The following GNA12 variants were observed in gnomAD, a reference collection of about 807,000 sequenced individuals.
GNA12 encodes the protein G protein subunit alpha 12, also known as guanine nucleotide-binding protein subunit alpha-12.
GNA12 carries 9 observed loss-of-function variants against 26.0 expected under a neutral mutation model. The ratio of observed to expected loss-of-function variants is 0.35; its 90% CI spans 0.21 to 0.60. The LOEUF (loss-of-function observed/expected upper bound fraction) is 0.60, where lower values mean the gene tolerates loss of function less well. GNA12 is among the 20% of genes least tolerant of loss of function. GNA12 has a pLI of 0.78. For missense variants in GNA12, 405 were observed against 525.8 expected (o/e 0.77, Z 2.25); for synonymous variants, 264 against 219.6 (o/e 1.20, Z -1.79).
intron 1 of GNA12, among the ~76,000 whole-genome samples, chr7:2,795,667 C>G (rs1792648324): frequency 6.7e-6 from 1 of 149,778 alleles, no homozygotes; most frequent in Non-Finnish European, 1.5e-5. Flanking sequence ...AAAAAGAAAA[C>G]AGATGTACAT....
chr7:2,739,821 G>A (rs1326881189), intron 2 of GNA12, among the ~76,000 whole-genome samples: 7 of 152,126 alleles, frequency 4.6e-5, no homozygotes, highest in Non-Finnish European at 7.4e-5. Context: ...ACAGGCGTGC[G>A]CCACCAAACC....
At chr7:2,751,330 G>A (rs1791025361) in intron 2 of GNA12, among the ~76,000 whole-genome samples, 1 of 151,102 alleles carries the variant, frequency 6.6e-6, no homozygotes, top group Non-Finnish European at 1.5e-5. Flanking sequence ...GGCCGAGGCT[G>A]CAGTGAGCCA....
intron 1 of GNA12, among the ~76,000 whole-genome samples, chr7:2,810,837 G>A (rs1447092057): frequency 6.6e-6 from 1 of 152,148 alleles, no homozygotes. Context: ...GGCAAAGGTT[G>A]CCGTGAGCCA....
At chr7:2,769,105 T>C (rs759678286) in intron 2 of GNA12, among the ~76,000 whole-genome samples, 9 of 152,114 alleles carry the variant, frequency 5.9e-5, no homozygotes, top group South Asian at 2.1e-4. Flanking sequence ...GGTTTCACCA[T>C]GGTAGCCAGG....
intron 1 of GNA12, among the ~76,000 whole-genome samples, chr7:2,837,725 C>A (rs1778877679): frequency 6.6e-6 from 1 of 152,064 alleles, no homozygotes; most frequent in Non-Finnish European, 1.5e-5. Context: ...CTAAGAGAAT[C>A]TGTTGCAAGC....
At chr7:2,737,274 G>GTTTTGTTTTTTT (rs1790242698) in intron 2 of GNA12, among the ~76,000 whole-genome samples, 1 of 35,032 alleles carries the variant, frequency 2.9e-5, no homozygotes, top group East Asian at 8.3e-4. Flanking sequence ...GTTTTGTTTT[G>GTTTTGTTTTTTT]TTTTTTTTTT....
At chr7:2,801,772 A>G (rs1792815499) in intron 1 of GNA12, among the ~76,000 whole-genome samples, 1 of 152,090 alleles carries the variant, frequency 6.6e-6, no homozygotes, top group East Asian at 1.9e-4. Flanking sequence ...CTCTCTGCCA[A>G]CTTTGTTCTG....
intron 2 of GNA12, among the ~76,000 whole-genome samples, chr7:2,789,136 T>TACATGAG (rs1562429275): frequency 5.7e-5 from 6 of 105,326 alleles, no homozygotes; most frequent in African/African-American, 7.1e-5. Context: ...AGGCATCTTT[T>TACATGAG]TTTTTTTTTT....
chr7:2,792,840 T>A (rs940890867), intron 2 of GNA12, among the ~76,000 whole-genome samples: 4 of 152,148 alleles, frequency 2.6e-5, no homozygotes, highest in Admixed American at 2.6e-4. Flanking sequence ...GACATTAACA[T>A]TTACAGGCAA....
Position 2,793,896 on chromosome 7 carries a change from A to AAAAG in GNA12, c.525+1031_525+1032insCTTT, listed in dbSNP as rs1554260953. ...GACTCCATCTCAAAAAAAAAAAAAA[A>AAAAG]AAGGAAAAAAAAAGACGTTTCCAAT... On this transcript the variant is annotated intron_variant, in intron 2 of 3. Coordinates refer to ENST00000275364, the MANE Select transcript of GNA12 (RefSeq NM_007353.3). 8.5e-3 allele frequency among the ~76,000 whole-genome samples: 1,247 copies of AAAAG among 146,708 alleles called. 9 individuals are homozygous for AAAAG. The highest frequency in any genetic ancestry group is 0.067 in the Middle Eastern group (19 of 284).
chr7:2,838,133 A>G (rs1300385847), intron 1 of GNA12, among the ~76,000 whole-genome samples: 1 of 152,002 alleles, frequency 6.6e-6, no homozygotes, highest in Non-Finnish European at 1.5e-5. Context: ...AATACAAAGC[A>G]TTATACTTAA....
At chr7:2,828,544 G>A (rs1052140089) in intron 1 of GNA12, among the ~76,000 whole-genome samples, 6 of 152,130 alleles carry the variant, frequency 3.9e-5, no homozygotes, top group Non-Finnish European at 7.4e-5. Flanking sequence ...TACCAGGGAC[G>A]CAGCTGGGGA....
chr7:2,735,762 G>C (rs906535364), intron 2 of GNA12, among the ~76,000 whole-genome samples: 3 of 152,208 alleles, frequency 2.0e-5, no homozygotes, highest in Non-Finnish European at 4.4e-5. Context: ...TGGCGGAGGA[G>C]AGGAGTCAAA....
chr7:2,814,448 G>T, intron 1 of GNA12: 1 of 988,586 alleles, frequency 1.0e-6, no homozygotes, highest in Non-Finnish European at 1.6e-6. Context: ...AGAGACATCA[G>T]AATAAAGCCC....
chr7:2,729,614 G>A lies in GNA12; in HGVS notation c.*1567C>T, dbSNP rs796379701. 3.2e-4 allele frequency: 49 copies of A among 152,430 alleles called. No individual in the cohort carries two copies. Among genetic ancestry groups the A allele is most frequent in the Admixed American group, 8.5e-4 (13 of 15,306 alleles). 9.4% of individuals were successfully genotyped at this position (152,430 alleles called of 1,614,324 possible). A position where few individuals can be genotyped will look rare whatever the true frequency, so the allele number is the denominator to read the frequency against. On this transcript the variant is annotated 3_prime_UTR_variant, in exon 4 of 4. Coordinates refer to ENST00000275364, the MANE Select transcript of GNA12 (RefSeq NM_007353.3). ...TGCCCCAAGGGCTTGCGTTTACCGG[G>A]TTTGCGGAAAACAAGCCAAGGGTGA...
intron 1 of GNA12, among the ~76,000 whole-genome samples, chr7:2,841,417 C>T (rs1562453743): frequency 6.6e-6 from 1 of 152,116 alleles, no homozygotes; most frequent in African/African-American, 2.4e-5. Context: ...GAGGTCTGGG[C>T]AAGCAGCAAC....
At chr7:2,752,164 A>C (rs1791072425) in intron 2 of GNA12, among the ~76,000 whole-genome samples, 1 of 152,228 alleles carries the variant, frequency 6.6e-6, no homozygotes, top group South Asian at 2.1e-4. Flanking sequence ...TATTTTAGCA[A>C]AATAAGGAAG....
chr7:2,732,438 T>C (rs1184169582), intron 3 of GNA12, among the ~76,000 whole-genome samples: 1 of 152,136 alleles, frequency 6.6e-6, no homozygotes, highest in East Asian at 1.9e-4. Flanking sequence ...CCCAGCTACT[T>C]GGGAGGCCGA....
chr7:2,814,781 G>T (rs1436589169), intron 1 of GNA12: 11 of 1,151,358 alleles, frequency 9.6e-6, no homozygotes, highest in Non-Finnish European at 1.4e-5. Context: ...ATCCTAGAAA[G>T]GGTTCCCTGA....
Sources: allele counts gnomAD v4.1 joint callset (sites outside exome capture counted in the v4.1 genomes callset), GRCh38; gene constraint gnomAD v4.1.1; transcripts MANE v1.5; gene names NCBI Gene and HGNC (gene_info 2026-07-23, HGNC 2026-07-21).